ZBTB20: variants seen among roughly 807,000 people sequenced by gnomAD.
The protein encoded by ZBTB20 is zinc finger and BTB domain-containing protein 20.
A neutral mutation model predicts 56.9 loss-of-function variants in ZBTB20; 9 were observed. That is an observed-to-expected ratio of 0.16 (90% CI 0.10 to 0.28). ZBTB20 has a LOEUF of 0.28. Ranked by LOEUF, ZBTB20 falls within the 10% of genes least tolerant of loss-of-function variation. The pLI is 1.00. For synonymous variants in ZBTB20, 417 were observed against 420.7 expected, an observed-to-expected ratio of 0.99 and a Z score of 0.11; for missense variants, 655 against 1,003.0, an observed-to-expected ratio of 0.65 and a Z score of 4.69.
At chr3:114,357,520 C>G (rs1397853060) in intron 10 of ZBTB20, among the ~76,000 whole-genome samples, 1 of 152,112 alleles carries the variant, frequency 6.6e-6, no homozygotes, top group Non-Finnish European at 1.5e-5. Context: ...TAGAACATTT[C>G]TAGAGAATAC....
intron 4 of ZBTB20, chr3:114,874,009 T>G (rs2076103657): frequency 6.6e-6 from 1 of 152,206 alleles, no homozygotes; most frequent in Non-Finnish European, 1.5e-5. Flanking sequence ...GGAGGTATCA[T>G]CAATGACTTT....
chr3:114,886,501 G>A (rs368628008), intron 4 of ZBTB20, among the ~76,000 whole-genome samples: 4 of 152,138 alleles, frequency 2.6e-5, no homozygotes, highest in Non-Finnish European at 1.5e-5. Context: ...AGATCATTAC[G>A]AAAAACATTT....
At chr3:114,411,901 T>G (rs950716425) in intron 7 of ZBTB20, among the ~76,000 whole-genome samples, 1 of 152,176 alleles carries the variant, frequency 6.6e-6, no homozygotes, top group African/African-American at 2.4e-5. Context: ...GATGCAAGGT[T>G]GGTGCTAGGC....
At chr3:114,814,699 G>C (rs936076948) in intron 4 of ZBTB20, among the ~76,000 whole-genome samples, 1 of 152,058 alleles carries the variant, frequency 6.6e-6, no homozygotes, top group Non-Finnish European at 1.5e-5. Context: ...AAAATAATTT[G>C]GGACCTATGG....
chr3:115,144,555 T>A, intron 1 of ZBTB20, among the ~76,000 whole-genome samples: 1 of 152,310 alleles, frequency 6.6e-6, no homozygotes, highest in Admixed American at 6.5e-5. Flanking sequence ...CATCAACTGG[T>A]AGTTCTAAAC....
chr3:114,482,010 G>C (rs539685218), intron 7 of ZBTB20, among the ~76,000 whole-genome samples: 2 of 152,242 alleles, frequency 1.3e-5, no homozygotes, highest in South Asian at 2.1e-4. Context: ...CTGTTGTAGA[G>C]CAAGGGTAGG....
intron 6 of ZBTB20, among the ~76,000 whole-genome samples, chr3:114,614,482 A>T (rs928575460): frequency 3.3e-5 from 5 of 151,986 alleles, no homozygotes; most frequent in African/African-American, 1.2e-4. Flanking sequence ...ACGGGGTGAC[A>T]TAAGGGTTAA....
At chr3:114,394,787 G>T (rs903891991) in intron 7 of ZBTB20, among the ~76,000 whole-genome samples, 14 of 152,140 alleles carry the variant, frequency 9.2e-5, no homozygotes, top group African/African-American at 3.1e-4. Context: ...ACAGCCAGCC[G>T]ACTGGCTTCT....
chr3:114,561,091 G>A (rs1308721392), intron 6 of ZBTB20, among the ~76,000 whole-genome samples: 2 of 152,158 alleles, frequency 1.3e-5, no homozygotes, highest in African/African-American at 4.8e-5. Flanking sequence ...ACCTGTTCAA[G>A]TTTGATAATG....
At chr3:115,076,413 G>A (rs1329845750) in intron 1 of ZBTB20, among the ~76,000 whole-genome samples, 2 of 152,208 alleles carry the variant, frequency 1.3e-5, no homozygotes, top group East Asian at 1.9e-4. Context: ...CACATAAATG[G>A]TCAACTAATT....
intron 3 of ZBTB20, among the ~76,000 whole-genome samples, chr3:114,966,030 C>T (rs943980356): frequency 5.9e-5 from 9 of 152,084 alleles, no homozygotes; most frequent in African/African-American, 1.7e-4. Flanking sequence ...AATCCATAAA[C>T]TAATGAGTTT....
At position 114,988,549 on chromosome 3, in the gene ZBTB20, C is replaced by T. The variant is rs1002697671; in HGVS notation, c.-506-14133G>A. ...AAGTCTTTGCTATTGTGAATAGTGC[C>T]GCAATAAGCATACGTGTGCATGTGT... On this transcript the variant is annotated intron_variant, in intron 2 of 11. Coordinates refer to ENST00000675478, the MANE Select transcript of ZBTB20 (RefSeq NM_001348800.3). 1.5e-4 allele frequency among the ~76,000 whole-genome samples: 23 copies of T among 152,038 alleles called. No individual in the cohort carries two copies. In the Middle Eastern group the frequency reaches 0.01, roughly 67 times the overall value.
At chr3:114,601,440 T>G (rs2056753870) in intron 6 of ZBTB20, among the ~76,000 whole-genome samples, 1 of 152,100 alleles carries the variant, frequency 6.6e-6, no homozygotes, top group Non-Finnish European at 1.5e-5. Context: ...TTTCACTGTT[T>G]GCCCATATTC....
chr3:114,545,134 A>G (rs751755078), intron 6 of ZBTB20, among the ~76,000 whole-genome samples: 7 of 152,196 alleles, frequency 4.6e-5, no homozygotes, highest in Non-Finnish European at 8.8e-5. Flanking sequence ...CGCTTTGGAT[A>G]TGTATGCTTC....
At chr3:114,666,421 G>A (rs891982839) in intron 6 of ZBTB20, among the ~76,000 whole-genome samples, 19 of 151,920 alleles carry the variant, frequency 1.3e-4, no homozygotes, top group African/African-American at 3.6e-4. Flanking sequence ...TATTTCCTCT[G>A]AATACAGTTA....
At chr3:114,997,864 T>C (rs1268651449) in intron 2 of ZBTB20, among the ~76,000 whole-genome samples, 4 of 151,468 alleles carry the variant, frequency 2.6e-5, no homozygotes, top group South Asian at 2.1e-4. Flanking sequence ...TGGATGTGTC[T>C]ACTTTTTTTT....
At position 114,316,728 on chromosome 3, in the gene ZBTB20, C is replaced by A. The variant is rs981030593; in HGVS notation, c.*22277G>T. On this transcript the variant is annotated 3_prime_UTR_variant, in exon 12 of 12. Coordinates refer to ENST00000675478, the MANE Select transcript of ZBTB20 (RefSeq NM_001348800.3). The stretch of plus-strand genomic sequence containing the variant: ...TGTAATCCACTGATTCCTTGGAAAA[C>A]ATTTTTGATGAGAAAAATCTGACAG... 2.7e-6 allele frequency: 1 copy of A among 371,144 alleles called. No homozygotes were observed. Among genetic ancestry groups the A allele is most frequent in the Non-Finnish European group, 5.5e-6 (1 of 182,510 alleles). The allele number at this position is 371,144 out of a possible 1,614,324, so 23.0% of individuals were successfully genotyped here.
chr3:114,934,725 C>G (rs6776797), intron 3 of ZBTB20, among the ~76,000 whole-genome samples: 21,819 of 151,876 alleles, frequency 0.14, 3,613 homozygotes, highest in African/African-American at 0.41. Context: ...AAAAATAACA[C>G]GTCAAAATGC....
intron 6 of ZBTB20, among the ~76,000 whole-genome samples, chr3:114,569,119 A>G (rs1450225001): frequency 6.6e-6 from 1 of 152,236 alleles, no homozygotes; most frequent in Non-Finnish European, 1.5e-5. Flanking sequence ...AATGGTTAAT[A>G]ATAATTTAAT....
Sources: allele counts gnomAD v4.1 joint callset (sites outside exome capture counted in the v4.1 genomes callset), GRCh38; gene constraint gnomAD v4.1.1; transcripts MANE v1.5; gene names NCBI Gene and HGNC (gene_info 2026-07-23, HGNC 2026-07-21).